Variants in MYH15 observed in about 807,000 individuals in gnomAD.
MYH15 encodes myosin heavy chain 15, also known as myosin-15.
MYH15 carries 227 observed loss-of-function variants against 240.5 expected under a neutral mutation model. The ratio of observed to expected loss-of-function variants is 0.94; its 90% CI spans 0.85 to 1.05. MYH15 has a LOEUF of 1.05. Among genes scored for constraint, MYH15 ranks in the 50% least tolerant of loss-of-function variants. The probability of loss-of-function intolerance (pLI) is 0.00; values close to 1 mark genes in which losing one functional copy is unlikely to be tolerated. For missense variants in MYH15, 2,217 were observed against 2,247.5 expected, an observed-to-expected ratio of 0.99 and a Z score of 0.27; for synonymous variants, 785 against 796.7, an observed-to-expected ratio of 0.99 and a Z score of 0.25.
chr3:108,383,978 C>T (rs955482124), intron 39 of MYH15, among the ~76,000 whole-genome samples: 3 of 152,084 alleles, frequency 2.0e-5, no homozygotes, highest in African/African-American at 7.2e-5. Context: ...CAACTGGATG[C>T]AGTAAAGCTC....
chr3:108,423,895 GC>G (rs903463116), intron 27 of MYH15, among the ~76,000 whole-genome samples: 3 of 152,198 alleles, frequency 2.0e-5, no homozygotes, highest in African/African-American at 7.2e-5. Flanking sequence ...GTCCTAGGTG[GC>G]CCAAATTGTC....
At chr3:108,507,830 AT>A (rs1297887298) in intron 1 of MYH15, among the ~76,000 whole-genome samples, 1 of 151,996 alleles carries the variant, frequency 6.6e-6, no homozygotes, top group African/African-American at 2.4e-5. Context: ...GCAAAAACTG[AT>A]TTTGCTTTGT....
intron 18 of MYH15, among the ~76,000 whole-genome samples, chr3:108,458,130 A>G (rs2083039392): frequency 6.6e-6 from 1 of 152,216 alleles, no homozygotes; most frequent in Admixed American, 6.5e-5. Flanking sequence ...ATTCTCTTTA[A>G]GTACATATGA....
chr3:108,469,301 T>C (rs188145688), intron 14 of MYH15, among the ~76,000 whole-genome samples: 61 of 152,218 alleles, frequency 4.0e-4, no homozygotes, highest in Middle Eastern at 3.4e-3. Flanking sequence ...AGATCCATCT[T>C]GAAGATTCAC....
chr3:108,500,811 C>T (rs1390209435), intron 3 of MYH15, among the ~76,000 whole-genome samples: 1 of 152,154 alleles, frequency 6.6e-6, no homozygotes, highest in East Asian at 1.9e-4. Context: ...AAGATGATGA[C>T]ATCCAGGTGG....
chr3:108,416,355 A>G (rs1227732487), intron 29 of MYH15, among the ~76,000 whole-genome samples: 1 of 152,218 alleles, frequency 6.6e-6, no homozygotes, highest in Non-Finnish European at 1.5e-5. Context: ...CTATGCTTTC[A>G]TCTTCCAGAA....
At chr3:108,533,225 A>C (rs1477515689), upstream of MYH15, among the ~76,000 whole-genome samples, 1 of 150,852 alleles carries the variant, frequency 6.6e-6, no homozygotes, top group East Asian at 2.0e-4. Context: ...TCCCAACAGA[A>C]TGCAGTAGAA....
At chr3:108,388,342 G>A (rs908892376) in intron 38 of MYH15, among the ~76,000 whole-genome samples, 4 of 152,192 alleles carry the variant, frequency 2.6e-5, no homozygotes, top group Non-Finnish European at 5.9e-5. Flanking sequence ...TGAAAATGTA[G>A]ATGATGATAT....
rs749567907 is a variant in MYH15 at position 108,505,787 on chromosome 3, A to G, written c.131T>C (p.Ile44Thr). The G allele has an allele frequency of 6.2e-7, 1 of 1,613,142 alleles. No individual in the cohort carries two copies. Among genetic ancestry groups the G allele is most frequent in the Non-Finnish European group, 8.5e-7 (1 of 1,179,664 alleles). The change falls in exon 2 of 41, where the codon ATC becomes ACC. Residue 44 changes from isoleucine (I) to threonine (T), a missense_variant. Transcript: ENST00000693548. Reference protein sequence around the residue: ...CWIPDGENAYIEAEVKGSEDD... With the variant: ...CWIPDGENAYTEAEVKGSEDD... ...TTCACTCCCTTTTACCTCAGCCTCG[A>G]TATAAGCATTCTCACCATCAGGAAT...
intron 1 of MYH15, among the ~76,000 whole-genome samples, chr3:108,520,294 G>A (rs1038232673): frequency 3.3e-5 from 5 of 151,976 alleles, no homozygotes; most frequent in African/African-American, 1.2e-4. Flanking sequence ...ATTTTGTTTC[G>A]TATAACAACC....
rs1226072168 is a variant in MYH15, at chr3:108,507,242, T to TTCAC, written c.89-1414_89-1413insGTGA. Among the ~76,000 whole-genome samples, 218 of 40,338 alleles carry TTCAC rather than the reference T, an allele frequency of 5.4e-3. 8 individuals carry two copies. Among genetic ancestry groups the TTCAC allele is most frequent in the African/African-American group, 0.014 (183 of 12,650 alleles). The allele number at this position is 40,338 out of a possible 152,430, so 26.5% of individuals were successfully genotyped here. On this transcript the variant is annotated intron_variant, in intron 1 of 40. Coordinates refer to ENST00000693548, the MANE Select transcript of MYH15 (RefSeq NM_014981.3). ...AGGAAAATGAATATATATATATATA[T>TTCAC]ATATATATATATATATATATATATA... is the stretch of plus-strand genomic sequence containing the variant.
At chr3:108,502,872 G>A (rs2107240551) in intron 2 of MYH15, among the ~76,000 whole-genome samples, 1 of 152,058 alleles carries the variant, frequency 6.6e-6, no homozygotes, top group African/African-American at 2.4e-5. Flanking sequence ...TGTATTTCAA[G>A]GACTCATCTC....
At chr3:108,403,108 A>C (rs2082519491) in intron 33 of MYH15, among the ~76,000 whole-genome samples, 1 of 152,214 alleles carries the variant, frequency 6.6e-6, no homozygotes, top group South Asian at 2.1e-4. Flanking sequence ...TAAGCACTCC[A>C]ATATCTGTTG....
In MYH15 at chr3:108,501,806, A is replaced by C. The variant is rs1207012043; in HGVS notation, c.245T>G (p.Phe82Cys). 6.2e-7 allele frequency: 1 copy of C among 1,614,090 alleles called. No individual in the cohort carries two copies. Among genetic ancestry groups the C allele is most frequent in the Non-Finnish European group, 8.5e-7 (1 of 1,179,972 alleles). ...DKIQQMNPPEFEMIEDMAMLT... is the reference protein window; with the variant it reads ...DKIQQMNPPECEMIEDMAMLT... ...CATTGCCATGTCTTCAATCATTTCA[A>C]ACTCTGGAGGATTCATCTGCTGGAT... Residue 82 changes from phenylalanine (F) to cysteine (C), a missense_variant, in exon 3 of 41, where the codon TTT becomes TGT. By Grantham distance (205) the Phe-to-Cys change is radical (BLOSUM62 -2). Transcript: ENST00000693548.
chr3:108,457,323 G>A (rs1186019404), intron 18 of MYH15, among the ~76,000 whole-genome samples: 1 of 152,138 alleles, frequency 6.6e-6, no homozygotes, highest in Non-Finnish European at 1.5e-5. Context: ...AAAAGGAAAG[G>A]GGAAGATAGA....
chr3:108,420,410 G>A (rs1242693562), intron 28 of MYH15, among the ~76,000 whole-genome samples: 1 of 152,198 alleles, frequency 6.6e-6, no homozygotes, highest in Admixed American at 6.5e-5. Context: ...GTATTCAAAT[G>A]TCACCTTCTC....
At chr3:108,463,940 T>C (rs1394654566) in intron 15 of MYH15, among the ~76,000 whole-genome samples, 1 of 151,760 alleles carries the variant, frequency 6.6e-6, no homozygotes, top group Non-Finnish European at 1.5e-5. Context: ...TCCAACTGTC[T>C]CTGACATACA....
At chr3:108,545,694 T>C in the MYH15 span, among the ~76,000 whole-genome samples, 7,591 of 149,110 alleles carry the variant, frequency 0.051, 636 homozygotes, top group African/African-American at 0.17. Context: ...AATATACACA[T>C]ACACACACAC....
chr3:108,546,378 T>C, the MYH15 span, among the ~76,000 whole-genome samples: 2 of 152,216 alleles, frequency 1.3e-5, no homozygotes, highest in Non-Finnish European at 2.9e-5. Flanking sequence ...TGAAATATGA[T>C]ACTTAGAATA....
Sources: gnomAD v4.1 joint callset for allele counts (sites outside exome capture counted in the v4.1 genomes callset) on GRCh38, gnomAD v4.1.1 for gene constraint, MANE v1.5 for transcripts, NCBI Gene and HGNC (gene_info 2026-07-23, HGNC 2026-07-21) for gene names.